CMIP: variants seen among roughly 807,000 people sequenced by gnomAD.
CMIP encodes the protein c-Maf inducing protein.
In CMIP, 13 loss-of-function variants were observed where a neutral mutation model predicts 97.3. The ratio of observed to expected loss-of-function variants is 0.13; its 90% CI spans 0.09 to 0.21. The LOEUF (loss-of-function observed/expected upper bound fraction) is 0.21, where lower values mean the gene tolerates loss of function less well. Ranked by LOEUF, CMIP falls within the 10% of genes least tolerant of loss-of-function variation. The pLI, the probability that CMIP is intolerant of heterozygous loss-of-function variation, is 1.00. For missense variants in CMIP, 847 were observed against 1,024.9 expected (o/e 0.83, Z 2.37); for synonymous variants, 538 against 436.3 (o/e 1.23, Z -2.91).
At chr16:81,473,758 G>A (rs1907705643) in intron 1 of CMIP, among the ~76,000 whole-genome samples, 1 of 150,868 alleles carries the variant, frequency 6.6e-6, no homozygotes, top group African/African-American at 2.4e-5. Context: ...GCAAGCGGAT[G>A]ACCCATGGGC....
chr16:81,495,675 G>A (rs1484792014), intron 1 of CMIP, among the ~76,000 whole-genome samples: 2 of 152,208 alleles, frequency 1.3e-5, no homozygotes, highest in African/African-American at 4.8e-5. Flanking sequence ...GGGAGGAATG[G>A]CTGAGACCCC....
intron 1 of CMIP, among the ~76,000 whole-genome samples, chr16:81,459,875 C>G (rs1000299456): frequency 6.6e-6 from 1 of 152,214 alleles, no homozygotes; most frequent in Non-Finnish European, 1.5e-5. Context: ...TAGGAGGTGG[C>G]CTTGTCAGAT....
At chr16:81,686,482 C>G (rs555970891) in intron 10 of CMIP, among the ~76,000 whole-genome samples, 22 of 152,304 alleles carry the variant, frequency 1.4e-4, no homozygotes, top group African/African-American at 5.1e-4. Flanking sequence ...GCTTCCTCAC[C>G]GGCACCCTCT....
chr16:81,507,398 A>G (rs1872206738), intron 1 of CMIP, among the ~76,000 whole-genome samples: 1 of 151,720 alleles, frequency 6.6e-6, no homozygotes, highest in South Asian at 2.1e-4. Flanking sequence ...GAGTTTGAGA[A>G]ACCATAGGCT....
Position 81,616,696 on chromosome 16 carries a change from C to G in CMIP, c.427-4180C>G, listed in dbSNP as rs1254244647. On this transcript the variant is annotated intron_variant, in intron 2 of 20. Coordinates refer to ENST00000537098, the MANE Select transcript of CMIP (RefSeq NM_198390.3). This position sits in a 1 kb window ranked among gnomAD's most constrained non-coding sequence, Gnocchi z 4.7. ...GAAGTGGCCAGAAAGCCAAGTGTGG[C>G]TGGGGAAGGGGGTCACACCCTCCTA... is the stretch of plus-strand genomic sequence containing the variant. Among the ~76,000 whole-genome samples the G allele has an allele frequency of 6.6e-6, 1 of 152,110 alleles. No homozygotes were observed. The highest frequency in any genetic ancestry group is 1.5e-5 in the Non-Finnish European group (1 of 68,006).
At chr16:81,461,073 T>G (rs527971433) in intron 1 of CMIP, among the ~76,000 whole-genome samples, 3 of 152,314 alleles carry the variant, frequency 2.0e-5, no homozygotes, top group Admixed American at 6.5e-5. Flanking sequence ...CCTGGTGAGG[T>G]GTTTTACAAC....
chr16:81,548,718 T>A (rs1263264905), intron 1 of CMIP, among the ~76,000 whole-genome samples: 4 of 150,100 alleles, frequency 2.7e-5, no homozygotes, highest in Non-Finnish European at 5.9e-5. Flanking sequence ...TGGTGGTGTG[T>A]GCCTGTAGTC....
intron 3 of CMIP, among the ~76,000 whole-genome samples, chr16:81,644,675 C>T (rs998004450): frequency 8.5e-5 from 13 of 152,236 alleles, no homozygotes; most frequent in African/African-American, 3.1e-4. Flanking sequence ...ATTTCCTACA[C>T]ACTTAGCATC....
intron 1 of CMIP, among the ~76,000 whole-genome samples, chr16:81,469,267 C>G (rs936255948): frequency 8.5e-5 from 13 of 152,220 alleles, no homozygotes; most frequent in Non-Finnish European, 1.5e-5. Flanking sequence ...GGGATCAGCC[C>G]AGGCCAGTAA....
intron 1 of CMIP, among the ~76,000 whole-genome samples, chr16:81,492,552 G>C (rs1174114220): frequency 6.6e-6 from 1 of 152,148 alleles, no homozygotes; most frequent in East Asian, 1.9e-4. Flanking sequence ...GGGAGCGAGT[G>C]TGCTGGCCGG....
At chr16:81,613,236 C>T (rs1009817317) in intron 2 of CMIP, among the ~76,000 whole-genome samples, 1 of 152,214 alleles carries the variant, frequency 6.6e-6, no homozygotes, top group Non-Finnish European at 1.5e-5. Flanking sequence ...GTGCCACATC[C>T]TTCCTCCTCC....
At chr16:81,610,760 C>A (rs534779829) in intron 2 of CMIP, among the ~76,000 whole-genome samples, 3 of 152,124 alleles carry the variant, frequency 2.0e-5, no homozygotes, top group African/African-American at 7.2e-5. Flanking sequence ...GTGCACTTGG[C>A]CCCTGGTGTG....
At chr16:81,635,075 G>A (rs1248631763) in intron 3 of CMIP, among the ~76,000 whole-genome samples, 2 of 152,236 alleles carry the variant, frequency 1.3e-5, no homozygotes, top group Admixed American at 6.5e-5. Flanking sequence ...CACAGAGGAA[G>A]AGCAGGCTCT....
intron 3 of CMIP, chr16:81,630,709 T>TGCTTC (rs1299516940): frequency 1.3e-5 from 2 of 152,188 alleles, no homozygotes; most frequent in Non-Finnish European, 2.9e-5. Flanking sequence ...GCCACCTGCC[T>TGCTTC]GCTTCATCCA....
At chr16:81,541,975 C>G (rs989550972) in intron 1 of CMIP, among the ~76,000 whole-genome samples, 17 of 152,318 alleles carry the variant, frequency 1.1e-4, no homozygotes, top group African/African-American at 3.6e-4. Flanking sequence ...GGGTTCACCA[C>G]TCAGTCACTG....
chr16:81,452,595 A>G (rs1412143111), intron 1 of CMIP, among the ~76,000 whole-genome samples: 1 of 152,114 alleles, frequency 6.6e-6, no homozygotes, highest in Admixed American at 6.5e-5. Context: ...AGCGGGTGAT[A>G]GGACTTCCAG....
chr16:81,612,710 A>G (rs2091851579), intron 2 of CMIP, among the ~76,000 whole-genome samples: 1 of 152,178 alleles, frequency 6.6e-6, no homozygotes. Flanking sequence ...TCAGCATTCC[A>G]AAGATTTAAC....
At chr16:81,560,837 A>G (rs1188974988) in intron 1 of CMIP, among the ~76,000 whole-genome samples, 2 of 152,214 alleles carry the variant, frequency 1.3e-5, no homozygotes, top group South Asian at 2.1e-4. Flanking sequence ...TAGCCCAGCC[A>G]TAGGTGTGTA....
chr16:81,596,390 C>T (rs890732561), intron 1 of CMIP, among the ~76,000 whole-genome samples: 1 of 151,498 alleles, frequency 6.6e-6, no homozygotes, highest in Non-Finnish European at 1.5e-5. Context: ...CCTATAGTCC[C>T]TGCTACTCGG....
Sources: gnomAD v4.1 joint callset for allele counts (sites outside exome capture counted in the v4.1 genomes callset) on GRCh38, gnomAD v4.1.1 for gene constraint, Gnocchi (gnomAD v3.1) non-coding constraint, MANE v1.5 for transcripts, NCBI Gene and HGNC (gene_info 2026-07-23, HGNC 2026-07-21) for gene names.